The following PPP6C variants were observed in gnomAD, a reference collection of about 807,000 sequenced individuals.
PPP6C encodes serine/threonine-protein phosphatase 6 catalytic subunit.
A neutral mutation model predicts 39.8 loss-of-function variants in PPP6C; 11 were observed. The ratio of observed to expected loss-of-function variants is 0.28; its 90% CI spans 0.17 to 0.46. The LOEUF (loss-of-function observed/expected upper bound fraction) is 0.46. Ranked by LOEUF, PPP6C falls within the 20% of genes least tolerant of loss-of-function variation. The pLI is 1.00. For synonymous variants in PPP6C, 129 were observed against 130.3 expected, an observed-to-expected ratio of 0.99 and a Z score of 0.07; for missense variants, 211 against 373.9, an observed-to-expected ratio of 0.56 and a Z score of 3.59.
chr9:125,164,001 C>T (rs1588281702), intron 2 of PPP6C, among the ~76,000 whole-genome samples: 2 of 151,618 alleles, frequency 1.3e-5, no homozygotes, highest in South Asian at 4.2e-4. Flanking sequence ...CGCACCCCCG[C>T]TGATTTTTGT....
At chr9:125,176,158 G>C (rs1257833573) in intron 1 of PPP6C, among the ~76,000 whole-genome samples, 3 of 152,166 alleles carry the variant, frequency 2.0e-5, no homozygotes, top group African/African-American at 7.2e-5. Flanking sequence ...CAAAAGTCCT[G>C]ATGTGAAGCA....
At chr9:125,184,966 C>CAAAAAAAA (rs34609209) in intron 1 of PPP6C, among the ~76,000 whole-genome samples, 8 of 70,024 alleles carry the variant, frequency 1.1e-4, no homozygotes, top group South Asian at 1.1e-3. Flanking sequence ...GATTCAGTCT[C>CAAAAAAAA]AAAAAAAAAA....
chr9:125,165,135 A>G (rs1403267778), intron 2 of PPP6C, among the ~76,000 whole-genome samples: 1 of 152,172 alleles, frequency 6.6e-6, no homozygotes, highest in Non-Finnish European at 1.5e-5. Flanking sequence ...GTGATCTTAA[A>G]AACCAGAGGT....
At chr9:125,173,036 G>A (rs1340679137) in intron 1 of PPP6C, among the ~76,000 whole-genome samples, 3 of 152,128 alleles carry the variant, frequency 2.0e-5, no homozygotes. Flanking sequence ...CAGCATTTTG[G>A]GAGGCCAAAG....
Position 125,148,237 on chromosome 9 carries a change from G to A in PPP6C, c.*1436C>T, listed in dbSNP as rs146787265. The A allele has an allele frequency of 1.3e-5, 2 of 153,132 alleles. No homozygotes were observed. Among genetic ancestry groups the A allele is most frequent in the Non-Finnish European group, 2.9e-5 (2 of 68,472 alleles). 9.5% of individuals were successfully genotyped at this position (153,132 alleles called of 1,614,324 possible). On this transcript the variant is annotated 3_prime_UTR_variant, in exon 7 of 7. Transcript: ENST00000373547. ...GAAAAGTGGGTTTTCAAAACTACCT[G>A]AACAGATGCTAAAGTGCTTTATTAA...
chr9:125,176,962 T>C (rs1181942994), intron 1 of PPP6C, among the ~76,000 whole-genome samples: 1 of 152,218 alleles, frequency 6.6e-6, no homozygotes, highest in Non-Finnish European at 1.5e-5. Context: ...GAAATAATCA[T>C]TACTGAGACA....
chr9:125,189,280 G>A (rs1428371869), intron 1 of PPP6C, among the ~76,000 whole-genome samples: 4 of 152,348 alleles, frequency 2.6e-5, no homozygotes, highest in African/African-American at 9.6e-5. Flanking sequence ...ACCCCATCCC[G>A]AGGGCACTGC....
intron 1 of PPP6C, among the ~76,000 whole-genome samples, chr9:125,173,618 TTTTTAA>T (rs1488297320): frequency 3.3e-5 from 5 of 151,824 alleles, no homozygotes; most frequent in Non-Finnish European, 5.9e-5. Flanking sequence ...AGATGAGCCT[TTTTTAA>T]TTTTATTTTT....
intron 1 of PPP6C, among the ~76,000 whole-genome samples, chr9:125,181,663 T>G: frequency 6.6e-6 from 1 of 152,228 alleles, no homozygotes; most frequent in East Asian, 1.9e-4. Flanking sequence ...AAGTATTCCA[T>G]GGTGTATATG....
chr9:125,172,222 T>TC (rs1829186589), intron 1 of PPP6C, among the ~76,000 whole-genome samples: 1 of 152,152 alleles, frequency 6.6e-6, no homozygotes, highest in Non-Finnish European at 1.5e-5. Flanking sequence ...CCTTCTTTTT[T>TC]TCCCTTTTTT....
chr9:125,151,170 G>C (rs2131295928), intron 6 of PPP6C: 2 of 1,481,876 alleles, frequency 1.3e-6, no homozygotes, highest in Non-Finnish European at 1.9e-6. Flanking sequence ...GTGGAGCTAA[G>C]AGAGTGACCT....
chr9:125,183,941 A>G (rs756122703), intron 1 of PPP6C, among the ~76,000 whole-genome samples: 10 of 152,170 alleles, frequency 6.6e-5, no homozygotes, highest in Non-Finnish European at 1.5e-4. Flanking sequence ...AGGGAACAGT[A>G]CTCAACACAA....
At chr9:125,155,103 C>T (rs1836036500) in intron 4 of PPP6C, among the ~76,000 whole-genome samples, 1 of 152,026 alleles carries the variant, frequency 6.6e-6, no homozygotes, top group Admixed American at 6.6e-5. Flanking sequence ...TGGGGATCTC[C>T]CTATGTTGTC....
intron 4 of PPP6C, among the ~76,000 whole-genome samples, chr9:125,155,386 A>G (rs1836042988): frequency 6.6e-6 from 1 of 152,172 alleles, no homozygotes; most frequent in African/African-American, 2.4e-5. Context: ...GATTTTCTCA[A>G]TTATATATCT....
intron 1 of PPP6C, 28 bp from the exon 2 acceptor site, chr9:125,171,208 C>T: frequency 6.9e-7 from 1 of 1,459,452 alleles, no homozygotes; most frequent in Non-Finnish European, 9.4e-7. Context: ...AAAAGGTAAA[C>T]ATTTACTACA....
At chr9:125,152,826 T>C (rs978083658) in intron 6 of PPP6C, among the ~76,000 whole-genome samples, 10 of 150,658 alleles carry the variant, frequency 6.6e-5, no homozygotes, top group African/African-American at 2.2e-4. Flanking sequence ...GCGAAACTCT[T>C]GTCTCAAAAA....
intron 2 of PPP6C, among the ~76,000 whole-genome samples, chr9:125,164,701 A>T (rs977726389): frequency 4.6e-5 from 7 of 152,164 alleles, no homozygotes; most frequent in Non-Finnish European, 1.0e-4. Flanking sequence ...CCTCCTGAGT[A>T]GCTGGAACTA....
In PPP6C at chr9:125,159,563, G is replaced by A. The variant is rs373024048; in HGVS notation, c.238-1181C>T. Among the ~76,000 whole-genome samples, 50 of 152,046 alleles carry A rather than the reference G, an allele frequency of 3.3e-4. No individual in the cohort carries two copies. The East Asian group carries it at 6.0e-3, about 18-fold the overall frequency. On this transcript the variant is annotated intron_variant, in intron 3 of 6. Coordinates refer to ENST00000373547, the MANE Select transcript of PPP6C (RefSeq NM_002721.5). ...ACTGTATTGGAAGAGTTGCCTACTT[G>A]AAGAAAAAAATTTTTTGTAAAAGCA...
At chr9:125,165,409 A>G (rs1029469494) in intron 2 of PPP6C, among the ~76,000 whole-genome samples, 2 of 152,072 alleles carry the variant, frequency 1.3e-5, no homozygotes, top group Non-Finnish European at 2.9e-5. Context: ...CAAAAAAACA[A>G]ATCAATAACA....
Sources: allele counts gnomAD v4.1 joint callset (sites outside exome capture counted in the v4.1 genomes callset), GRCh38; gene constraint gnomAD v4.1.1; transcripts MANE v1.5; gene names NCBI Gene and HGNC (gene_info 2026-07-23, HGNC 2026-07-21).